Variants in MCMDC2 observed in about 807,000 individuals in gnomAD.
MCMDC2 encodes minichromosome maintenance domain containing 2, also known as minichromosome maintenance domain-containing protein 2.
MCMDC2 carries 54 observed loss-of-function variants against 75.8 expected under a neutral mutation model. The observed-to-expected ratio is 0.71, with a 90% CI of 0.57 to 0.89. The LOEUF is 0.89. Ranked by LOEUF, MCMDC2 falls within the 40% of genes least tolerant of loss-of-function variation. MCMDC2 has a pLI of 0.00. For missense variants in MCMDC2, 656 were observed against 780.4 expected (o/e 0.84, Z 1.90); for synonymous variants, 249 against 274.6 (o/e 0.91, Z 0.92).
chr8:66,911,323 C>T (rs1409039497), intron 14 of MCMDC2, among the ~76,000 whole-genome samples: 2 of 152,184 alleles, frequency 1.3e-5, no homozygotes, highest in African/African-American at 4.8e-5. Context: ...TGGCACTTCT[C>T]CTTCCTGCTG....
chr8:66,903,078 G>A (rs922239579), intron 13 of MCMDC2, among the ~76,000 whole-genome samples: 2 of 150,952 alleles, frequency 1.3e-5, no homozygotes, highest in African/African-American at 4.9e-5. Flanking sequence ...GCTGCAATTG[G>A]GCCATTGCAC....
At chr8:66,922,919 G>A (rs1259147815), downstream of MCMDC2, among the ~76,000 whole-genome samples, 2 of 152,110 alleles carry the variant, frequency 1.3e-5, no homozygotes, top group African/African-American at 4.8e-5. Flanking sequence ...TTTTTTGATA[G>A]TCAGTACTGA....
At chr8:66,899,556 C>T (rs1164264957) in intron 12 of MCMDC2, among the ~76,000 whole-genome samples, 3 of 152,066 alleles carry the variant, frequency 2.0e-5, no homozygotes, top group Non-Finnish European at 4.4e-5. Flanking sequence ...AGTGCAGAGG[C>T]GCCATCTTGG....
intron 4 of MCMDC2, among the ~76,000 whole-genome samples, chr8:66,875,802 C>G (rs1306071368): frequency 6.6e-6 from 1 of 152,176 alleles, no homozygotes; most frequent in Non-Finnish European, 1.5e-5. Flanking sequence ...TTTCCTCTCC[C>G]TCCCTTTTTA....
Position 66,878,838 on chromosome 8 carries a change from G to C in MCMDC2, c.628G>C (p.Ala210Pro). 6.2e-7 allele frequency: 1 copy of C among 1,604,540 alleles called. No individual in the cohort carries two copies. The highest frequency in any genetic ancestry group is 8.5e-7 in the Non-Finnish European group (1 of 1,176,658). ...AGATAAACAAATAGTTGAAATAATT[G>C]CCACAAAGGCACTTCGTGCTTTTCA... is the stretch of plus-strand genomic sequence containing the variant. ...LGDKQIVEII[A>P]TKALRAFQGY... Residue 210 changes from alanine (A) to proline (P), a missense_variant, in exon 7 of 15, where the codon GCC becomes CCC. Physicochemically the swap from Ala to Pro is conservative, Grantham distance 27. Transcript: ENST00000422365.
At position 66,918,900 on chromosome 8, in the gene MCMDC2, A is replaced by G. The variant is rs1813419349; in HGVS notation, c.1880-103A>G. 5 of 1,065,202 alleles carry G rather than the reference A, an allele frequency of 4.7e-6. No homozygotes were observed. In the African/African-American group the frequency reaches 6.6e-5, roughly 14 times the overall value. The allele number at this position is 1,065,202 out of a possible 1,614,324, so 66.0% of individuals were successfully genotyped here. ...CACAGAACCACATGGGCTCAGACTT[A>G]ATTTTTAAGATTCCATTAAAATATT... On this transcript the variant is annotated intron_variant, in intron 14 of 14. Transcript: ENST00000422365.
At chr8:66,894,245 G>T (rs1205596340) in intron 10 of MCMDC2, among the ~76,000 whole-genome samples, 2 of 152,254 alleles carry the variant, frequency 1.3e-5, no homozygotes, top group Admixed American at 6.5e-5. Context: ...AAGTGGCCAT[G>T]CTTTTCATTT....
chr8:66,890,067 TTTG>T (rs879395338), intron 9 of MCMDC2, among the ~76,000 whole-genome samples: 1 of 152,162 alleles, frequency 6.6e-6, no homozygotes, highest in South Asian at 2.1e-4. Context: ...TGGATGTTCT[TTTG>T]TTGTTGTTGT....
chr8:66,916,983 TG>T (rs1725814307), intron 14 of MCMDC2, among the ~76,000 whole-genome samples: 1 of 152,162 alleles, frequency 6.6e-6, no homozygotes, highest in Admixed American at 6.6e-5. Flanking sequence ...TAAGAGCTGC[TG>T]GTTGACTATA....
chr8:66,916,248 A>C (rs370758613), intron 14 of MCMDC2, among the ~76,000 whole-genome samples: 2 of 152,184 alleles, frequency 1.3e-5, no homozygotes, highest in African/African-American at 4.8e-5. Context: ...AGTACAAAAA[A>C]GGTGAGAGGG....
chr8:66,890,270 TG>T (rs557397455), intron 9 of MCMDC2, among the ~76,000 whole-genome samples: 11 of 152,196 alleles, frequency 7.2e-5, no homozygotes, highest in Non-Finnish European at 1.2e-4. Context: ...TTTGCCATGT[TG>T]GCCAGGCTGG....
At chr8:66,914,968 T>C (rs905894215) in intron 14 of MCMDC2, among the ~76,000 whole-genome samples, 1 of 152,058 alleles carries the variant, frequency 6.6e-6, no homozygotes, top group Non-Finnish European at 1.5e-5. Context: ...AATCATGCCA[T>C]TTATCAAGAT....
intron 14 of MCMDC2, among the ~76,000 whole-genome samples, chr8:66,917,906 C>T (rs908085596): frequency 6.6e-6 from 1 of 152,152 alleles, no homozygotes; most frequent in Admixed American, 6.5e-5. Flanking sequence ...GCTTTCAGTT[C>T]TTTTGGGTAT....
rs769314005 is a variant in MCMDC2 at position 66,883,738 on chromosome 8, T to C, written c.836-19T>C. The stretch of plus-strand genomic sequence containing the variant: ...GTTTTAAAACCCTTTCTAATATATA[T>C]GTTAATATTTACTTTCAGTTCCTTC... On this transcript the variant is annotated intron_variant, in intron 8 of 14. Coordinates refer to ENST00000422365, the MANE Select transcript of MCMDC2 (RefSeq NM_173518.5). 2 of 1,354,074 alleles carry C rather than the reference T, an allele frequency of 1.5e-6. No individual in the cohort carries two copies. The highest frequency in any genetic ancestry group is 1.8e-4 in the Middle Eastern group (1 of 5,462). 83.9% of individuals were successfully genotyped at this position (1,354,074 alleles called of 1,614,324 possible).
intron 4 of MCMDC2, among the ~76,000 whole-genome samples, chr8:66,875,243 A>G (rs1480233906): frequency 1.3e-5 from 2 of 152,128 alleles, no homozygotes; most frequent in East Asian, 1.9e-4. Flanking sequence ...TTATCCCTAC[A>G]TACTTTAGTA....
rs116110533 is a variant in MCMDC2, at chr8:66,920,043, C to T, written c.*874C>T. The stretch of plus-strand genomic sequence containing the variant: ...TTCACAGAAAAGCAAAATGTCATTA[C>T]CAAATTGCCACTTTATTAACCAAGA... On this transcript the variant is annotated 3_prime_UTR_variant, in exon 15 of 15. Transcript: ENST00000422365. 7 of 152,252 alleles carry T rather than the reference C, an allele frequency of 4.6e-5. No homozygotes were observed. Among genetic ancestry groups the T allele is most frequent in the Middle Eastern group, 3.4e-3 (1 of 294 alleles). The allele number at this position is 152,252 out of a possible 1,614,324, so 9.4% of individuals were successfully genotyped here. A position where few individuals can be genotyped will look rare whatever the true frequency, so the allele number is the denominator to read the frequency against.
In MCMDC2 at chr8:66,919,224, C is replaced by CTAT. The variant is rs1167143005; in HGVS notation, c.*57_*59dup. On this transcript the variant is annotated 3_prime_UTR_variant, in exon 15 of 15. Coordinates refer to ENST00000422365, the MANE Select transcript of MCMDC2 (RefSeq NM_173518.5). ...CTTAAGCAGTGGAGAAAAAGTGTGA[C>CTAT]TATTTTGAGAGTGACTTTGAAGTAA... 1.3e-5 allele frequency: 18 copies of CTAT among 1,388,268 alleles called. No homozygotes were observed. The highest frequency in any genetic ancestry group is 1.8e-5 in the Non-Finnish European group (18 of 1,025,674). The allele number at this position is 1,388,268 out of a possible 1,614,324, so 86.0% of individuals were successfully genotyped here. A position where few individuals can be genotyped will look rare whatever the true frequency, so the allele number is the denominator to read the frequency against.
At chr8:66,891,131 GA>G in intron 10 of MCMDC2, 61 bp downstream of exon 10, 4 of 1,348,682 alleles carry the variant, frequency 3.0e-6, no homozygotes, top group Non-Finnish European at 4.1e-6. Flanking sequence ...TCCATGTTGA[GA>G]TACTTAACAG....
chr8:66,900,156 G>A (rs1490026847), intron 12 of MCMDC2, among the ~76,000 whole-genome samples: 1 of 151,428 alleles, frequency 6.6e-6, no homozygotes, highest in South Asian at 2.1e-4. Context: ...AATAAAATAG[G>A]CTAGGCGCGG....
Sources: allele counts gnomAD v4.1 joint callset (sites outside exome capture counted in the v4.1 genomes callset), GRCh38; gene constraint gnomAD v4.1.1; transcripts MANE v1.5; gene names NCBI Gene and HGNC (gene_info 2026-07-23, HGNC 2026-07-21).